PIEZO1: variants seen among roughly 807,000 people sequenced by gnomAD.
PIEZO1 encodes the protein piezo-type mechanosensitive ion channel component 1.
PIEZO1 carries 296 observed loss-of-function variants against 297.2 expected under a neutral mutation model. That is an observed-to-expected ratio of 1.00 (90% CI 0.91 to 1.10). The LOEUF (loss-of-function observed/expected upper bound fraction) is 1.10. PIEZO1 is among the 50% of genes least tolerant of loss of function. The probability of loss-of-function intolerance (pLI) is 0.00; values close to 1 mark genes in which losing one functional copy is unlikely to be tolerated. For synonymous variants in PIEZO1, 2,427 were observed against 1,507.5 expected, an observed-to-expected ratio of 1.61 and a Z score of -14.13; for missense variants, 5,018 against 3,455.5, an observed-to-expected ratio of 1.45 and a Z score of -11.34.
intron 5 of PIEZO1, chr16:88,739,682 G>C (rs146971382): frequency 1.3e-5 from 2 of 152,466 alleles, no homozygotes; most frequent in Admixed American, 6.5e-5. Flanking sequence ...GTCCTCACAG[G>C]CCTCCAGGGC....
chr16:88,761,791 C>T (rs959914400), intron 1 of PIEZO1, among the ~76,000 whole-genome samples: 2 of 151,860 alleles, frequency 1.3e-5, no homozygotes, highest in East Asian at 1.9e-4. Context: ...TCCTTCCCCA[C>T]AGACGACCAG....
chr16:88,723,449 C>T (rs1904299450), intron 31 of PIEZO1, 121 bp from the exon 32 acceptor site: 2 of 1,155,110 alleles, frequency 1.7e-6, no homozygotes, highest in African/African-American at 3.0e-5. Flanking sequence ...CCAGGGACCT[C>T]CGTGTCCCTG....
intron 1 of PIEZO1, among the ~76,000 whole-genome samples, chr16:88,761,131 G>A (rs1214547890): frequency 6.6e-6 from 1 of 152,214 alleles, no homozygotes; most frequent in African/African-American, 2.4e-5. Context: ...CAGAGGGTCA[G>A]CAGGCACCTG....
rs746901224 is a variant in PIEZO1 at position 88,733,390 on chromosome 16, C to T, written c.2552G>A (p.Arg851Gln). 69 of 1,550,026 alleles carry T rather than the reference C, an allele frequency of 4.5e-5. No homozygotes were observed. Among genetic ancestry groups the T allele is most frequent in the Non-Finnish European group, 5.5e-5 (63 of 1,146,846 alleles). The change falls in exon 19 of 51, where the codon CGG becomes CAG. Residue 851 changes from arginine to glutamine, a missense_variant. By Grantham distance (43) the Arg-to-Gln change is conservative. Transcript: ENST00000301015. ...WAFALPYPRFRPMASCLSTVW... is the reference protein window; with the variant it reads ...WAFALPYPRFQPMASCLSTVW... Reference sequence around the variant, plus strand: ...GGTGGACAGGCAGGAGGCCATGGGCCGGAAGCGTGGGTAGGGCAGGGCGAA... The same window carrying T: ...GGTGGACAGGCAGGAGGCCATGGGCTGGAAGCGTGGGTAGGGCAGGGCGAA...
chr16:88,727,612 G>C lies in PIEZO1; in HGVS notation c.3246C>G (p.Ile1082Met), dbSNP rs1171060014. ...SRAVPMNSAL[I>M]KWLYLPDFFR... ...AGAAATCAGGCAGGTACAGCCACTT[G>C]ATGAGTGCGGAGTTCATGGGGACGG... Residue 1082 changes from isoleucine to methionine, a missense_variant, in exon 23 of 51, where the codon ATC becomes ATG. By Grantham distance (10) the Ile-to-Met change is conservative. Transcript: ENST00000301015. 1 of 1,537,240 alleles carries C rather than the reference G, an allele frequency of 6.5e-7. No homozygotes were observed. The highest frequency in any genetic ancestry group is 8.8e-7 in the Non-Finnish European group (1 of 1,138,800).
rs7185664 is a variant in PIEZO1 at position 88,738,828 on chromosome 16, G to A, written c.466-92C>T. 250,008 of 1,188,310 alleles carry A rather than the reference G, an allele frequency of 0.21. 32,852 individuals are homozygous for A. Among genetic ancestry groups the A allele is most frequent in the East Asian group, 0.54 (20,935 of 38,808 alleles). The allele number at this position is 1,188,310 out of a possible 1,614,324, so 73.6% of individuals were successfully genotyped here. ...CTGCCCAGCCAGGAGCGTGGGAGGC[G>A]GCCACATCCACAGCTGCTCCTCTGA... On this transcript the variant is annotated intron_variant, in intron 5 of 50. Coordinates refer to ENST00000301015, the MANE Select transcript of PIEZO1 (RefSeq NM_001142864.4).
At chr16:88,760,058 C>T (rs1345470216) in intron 1 of PIEZO1, among the ~76,000 whole-genome samples, 1 of 152,220 alleles carries the variant, frequency 6.6e-6, no homozygotes, top group African/African-American at 2.4e-5. Flanking sequence ...CCCCAGCGGA[C>T]GTGACACCTG....
At chr16:88,777,300 C>T (rs955352759) in intron 1 of PIEZO1, among the ~76,000 whole-genome samples, 7 of 152,224 alleles carry the variant, frequency 4.6e-5, no homozygotes, top group African/African-American at 1.4e-4. Context: ...AGCACAAGGG[C>T]GTGCACCCAC....
intron 27 of PIEZO1, 59 bp from the exon 28 acceptor site, chr16:88,725,743 A>G (rs1904377713): frequency 1.1e-6 from 1 of 887,410 alleles, no homozygotes; most frequent in East Asian, 2.6e-5. Flanking sequence ...CAACATGGGC[A>G]GCCGCCGCTC....
rs531726443 is a variant in PIEZO1 at position 88,723,015 on chromosome 16, G to C, written c.4496-6C>G. 40 of 1,544,190 alleles carry C rather than the reference G, an allele frequency of 2.6e-5. No homozygotes were observed. The highest frequency in any genetic ancestry group is 7.9e-6 in the Non-Finnish European group (9 of 1,144,950). The stretch of plus-strand genomic sequence containing the variant: ...CTGCACCACATGGCTCCGGCCTGCG[G>C]GAGGGCGGGAGGGGGCGCTGGAGGG... On this transcript the variant is annotated splice_polypyrimidine_tract_variant and splice_region_variant and intron_variant, in intron 33 of 50. Transcript: ENST00000301015.
At chr16:88,752,094 A>G (rs1268574185) in intron 1 of PIEZO1, among the ~76,000 whole-genome samples, 1 of 152,196 alleles carries the variant, frequency 6.6e-6, no homozygotes, top group Non-Finnish European at 1.5e-5. Context: ...CCTTTGGGAA[A>G]ACGAAGAAGT....
chr16:88,716,150 G>A (rs192028757), intron 49 of PIEZO1, 31 bp from the exon 50 acceptor site: 121 of 1,527,670 alleles, frequency 7.9e-5, no homozygotes, highest in Middle Eastern at 1.7e-4. Flanking sequence ...CGTTGAGGCC[G>A]CAGGTCACCC....
intron 2 of PIEZO1, chr16:88,745,169 C>A (rs1272167767): frequency 1.3e-5 from 2 of 151,954 alleles, no homozygotes; most frequent in African/African-American, 2.4e-5. Context: ...ACTGCTGCCT[C>A]TTCCAGGAGC....
In PIEZO1 at chr16:88,719,885, C is replaced by A; in HGVS notation, c.6240G>T (p.Gln2080His). Reference protein sequence around the residue: ...KCIYFALSAYQIRCGYPTRIL... With the variant: ...KCIYFALSAYHIRCGYPTRIL... The stretch of plus-strand genomic sequence containing the variant: ...TGCGGGTGGGGTAGCCGCAGCGGAT[C>A]TGGTAGGCGGACAGGGCGAAGTAGA... The change falls in exon 43 of 51, where the codon CAG (glutamine) becomes CAT (histidine). Residue 2080 changes from glutamine (Q) to histidine (H), a missense_variant. Physicochemically the swap from Gln to His is conservative, Grantham distance 24 (BLOSUM62 0). Transcript: ENST00000301015. 1 of 1,550,558 alleles carries A rather than the reference C, an allele frequency of 6.4e-7. No homozygotes were observed. Among genetic ancestry groups the A allele is most frequent in the Non-Finnish European group, 8.7e-7 (1 of 1,146,950 alleles).
chr16:88,755,426 C>A (rs148878159), intron 1 of PIEZO1, among the ~76,000 whole-genome samples: 1 of 152,208 alleles, frequency 6.6e-6, no homozygotes, highest in Non-Finnish European at 1.5e-5. Context: ...TAAACAAACC[C>A]GGTGCTGCAG....
At chr16:88,778,714 C>A (rs533607280) in intron 1 of PIEZO1, among the ~76,000 whole-genome samples, 2 of 152,212 alleles carry the variant, frequency 1.3e-5, no homozygotes, top group South Asian at 4.1e-4. Context: ...TGCAACCCAG[C>A]GTCCACCGTG....
Position 88,741,582 on chromosome 16 carries a change from G to T in PIEZO1, c.361C>A (p.Leu121Met), listed in dbSNP as rs1259073810. 1 of 1,535,610 alleles carries T rather than the reference G, an allele frequency of 6.5e-7. No homozygotes were observed. Among genetic ancestry groups the T allele is most frequent in the Non-Finnish European group, 8.7e-7 (1 of 1,146,754 alleles). The change falls in exon 5 of 51, where the codon CTG becomes ATG. Residue 121 changes from leucine (L) to methionine (M), a missense_variant. Transcript: ENST00000301015. ...DLKDIPNAIR[L>M]VAPDLGILVV... ...AAGATGCCCAGGTCAGGGGCCACCA[G>T]CCGGATGGCGTTGGGGATGTCCTTC...
intron 1 of PIEZO1, among the ~76,000 whole-genome samples, chr16:88,766,960 A>G (rs184859925): frequency 1.3e-5 from 2 of 152,356 alleles, no homozygotes; most frequent in Admixed American, 1.3e-4. Context: ...TCCACTTTCA[A>G]AAGTTTTTAA....
At chr16:88,781,826 T>C (rs577102268) in intron 1 of PIEZO1, among the ~76,000 whole-genome samples, 1 of 152,372 alleles carries the variant, frequency 6.6e-6, no homozygotes, top group East Asian at 1.9e-4. Context: ...GTGACAATGT[T>C]CTGAAAAAGG....
Sources: gnomAD v4.1 joint callset for allele counts (sites outside exome capture counted in the v4.1 genomes callset) on GRCh38, gnomAD v4.1.1 for gene constraint, MANE v1.5 for transcripts, NCBI Gene and HGNC (gene_info 2026-07-23, HGNC 2026-07-21) for gene names.